The following PREP variants were observed in gnomAD, a reference collection of about 807,000 sequenced individuals.
PREP encodes the protein dJ355L5.1 (prolyl endopeptidase).
PREP carries 29 observed loss-of-function variants against 87.6 expected under a neutral mutation model. The ratio of observed to expected loss-of-function variants is 0.33; its 90% confidence interval spans 0.25 to 0.45. The LOEUF (loss-of-function observed/expected upper bound fraction) is 0.45, where lower values mean the gene tolerates loss of function less well. Among genes scored for constraint, PREP ranks in the 20% least tolerant of loss-of-function variants. PREP has a pLI of 1.00. For missense variants in PREP, 695 were observed against 886.5 expected, an observed-to-expected ratio of 0.78 and a Z score of 2.74; for synonymous variants, 337 against 328.6, an observed-to-expected ratio of 1.03 and a Z score of -0.28.
intron 1 of PREP, among the ~76,000 whole-genome samples, chr6:105,400,070 G>T (rs1267654403): frequency 6.6e-6 from 1 of 152,118 alleles, no homozygotes; most frequent in African/African-American, 2.4e-5. Flanking sequence ...TTCTCTCCAG[G>T]ACAATTCCAG....
chr6:105,400,683 T>C (rs1647819674), intron 1 of PREP, among the ~76,000 whole-genome samples: 2 of 152,192 alleles, frequency 1.3e-5, no homozygotes, highest in Admixed American at 6.5e-5. Context: ...AATTTCCTGA[T>C]AGCAACTCTC....
intron 6 of PREP, among the ~76,000 whole-genome samples, chr6:105,355,115 G>C (rs371073288): frequency 7.0e-6 from 1 of 142,520 alleles, no homozygotes; most frequent in East Asian, 2.0e-4. Context: ...TTTTTGAGAC[G>C]GAGTTTTACC....
intron 10 of PREP, chr6:105,322,422 A>G (rs748800973): frequency 1.0e-6 from 1 of 980,396 alleles, no homozygotes; most frequent in East Asian, 1.1e-4. Flanking sequence ...AAACTGTGGC[A>G]GAAAGGTTAA....
chr6:105,386,899 C>A lies in PREP; in HGVS notation c.121-9380G>T, dbSNP rs1292071177. On this transcript the variant is annotated intron_variant, in intron 2 of 14. Transcript: ENST00000652536. ...GCAGAATGGGATGGTGAATTAGGCA[C>A]CTAAACATGGTGGGGGAAAAAAAGA... 6.6e-5 allele frequency among the ~76,000 whole-genome samples: 10 copies of A among 152,212 alleles called. 1 individual carries two copies. The highest frequency in any genetic ancestry group is 6.5e-4 in the Admixed American group (10 of 15,284).
intron 14 of PREP, among the ~76,000 whole-genome samples, chr6:105,280,222 G>C (rs1770050545): frequency 6.6e-6 from 1 of 152,176 alleles, no homozygotes; most frequent in African/African-American, 2.4e-5. Context: ...AGAACTGCTT[G>C]TACCCAGGAG....
intron 4 of PREP, among the ~76,000 whole-genome samples, chr6:105,375,209 T>C (rs1562221940): frequency 6.6e-6 from 1 of 152,098 alleles, no homozygotes; most frequent in East Asian, 1.9e-4. Context: ...AGTGTTTGTA[T>C]AAAAAAGGGT....
At chr6:105,369,625 G>A (rs961957232) in intron 5 of PREP, among the ~76,000 whole-genome samples, 4 of 152,134 alleles carry the variant, frequency 2.6e-5, no homozygotes, top group African/African-American at 9.7e-5. Context: ...CAATGGAACA[G>A]GAAAGAGAGC....
In PREP at chr6:105,357,582, CT is replaced by C. The variant is rs11340891; in HGVS notation, c.718-4506del. ...GAAAACAACGTTGCATTTTCAAATG[CT>C]CAAAGTCACAAGCCTCAAAATCATT... On this transcript the variant is annotated intron_variant, in intron 6 of 14. Coordinates refer to ENST00000652536, the MANE Select transcript of PREP (RefSeq NM_002726.5). Among the ~76,000 whole-genome samples the C allele has an allele frequency of 4.9e-3, 748 of 152,298 alleles. 2 individuals carry two copies. The highest frequency in any genetic ancestry group is 0.017 in the African/African-American group (692 of 41,560).
intron 10 of PREP, among the ~76,000 whole-genome samples, chr6:105,302,085 C>A (rs1403822683): frequency 1.3e-5 from 2 of 152,180 alleles, no homozygotes; most frequent in Non-Finnish European, 2.9e-5. Context: ...AACATCAAAG[C>A]CATCTTCAGT....
At chr6:105,329,452 C>A (rs147267943) in intron 8 of PREP, among the ~76,000 whole-genome samples, 16 of 152,318 alleles carry the variant, frequency 1.1e-4, no homozygotes, top group African/African-American at 3.6e-4. Context: ...CCACGCCCAG[C>A]CTTATAATTG....
chr6:105,388,865 C>T (rs968884139), intron 2 of PREP, among the ~76,000 whole-genome samples: 9 of 152,182 alleles, frequency 5.9e-5, no homozygotes, highest in African/African-American at 2.2e-4. Flanking sequence ...CAGTGGGGTT[C>T]ACAAGGTATC....
At chr6:105,290,393 C>T (rs1181965066) in intron 10 of PREP, among the ~76,000 whole-genome samples, 1 of 152,130 alleles carries the variant, frequency 6.6e-6, no homozygotes, top group African/African-American at 2.4e-5. Context: ...AACCGTCTCA[C>T]ATGATGCTAC....
intron 10 of PREP, 122 bp from the exon 11 acceptor site, chr6:105,289,016 A>C: frequency 1.0e-6 from 1 of 953,006 alleles, no homozygotes; most frequent in Non-Finnish European, 1.5e-6. Context: ...AAAACCTAGT[A>C]CCTCTCAAGG....
intron 6 of PREP, among the ~76,000 whole-genome samples, chr6:105,363,399 G>T (rs1260648436): frequency 6.6e-6 from 1 of 152,056 alleles, no homozygotes; most frequent in Non-Finnish European, 1.5e-5. Context: ...TGGGTTTTTG[G>T]GTTTTTTTGG....
intron 10 of PREP, among the ~76,000 whole-genome samples, chr6:105,317,635 C>T (rs764898352): frequency 6.6e-6 from 1 of 152,130 alleles, no homozygotes; most frequent in African/African-American, 2.4e-5. Flanking sequence ...TTCCAAACAC[C>T]AGGCCCAAGG....
intron 7 of PREP, among the ~76,000 whole-genome samples, chr6:105,344,160 G>A (rs1442229105): frequency 6.6e-6 from 1 of 152,182 alleles, no homozygotes; most frequent in East Asian, 1.9e-4. Flanking sequence ...AGAAAATCTG[G>A]CACATATACA....
At chr6:105,388,712 T>G (rs1462003623) in intron 2 of PREP, among the ~76,000 whole-genome samples, 1 of 152,214 alleles carries the variant, frequency 6.6e-6, no homozygotes, top group Non-Finnish European at 1.5e-5. Context: ...TCTTAGAGAC[T>G]GAGATAATAT....
intron 10 of PREP, among the ~76,000 whole-genome samples, chr6:105,317,997 C>T (rs1311979609): frequency 6.6e-6 from 1 of 152,162 alleles, no homozygotes; most frequent in African/African-American, 2.4e-5. Flanking sequence ...TTTTTCCAAT[C>T]CTGATCCTGA....
intron 10 of PREP, among the ~76,000 whole-genome samples, chr6:105,314,156 T>G (rs2114637004): frequency 6.6e-6 from 1 of 152,362 alleles, no homozygotes; most frequent in South Asian, 2.1e-4. Context: ...AAACACTTTA[T>G]TGCTATAAAA....
Sources: allele counts gnomAD v4.1 joint callset (sites outside exome capture counted in the v4.1 genomes callset), GRCh38; gene constraint gnomAD v4.1.1; transcripts MANE v1.5; gene names NCBI Gene and HGNC (gene_info 2026-07-23, HGNC 2026-07-21).